PCDH9: variants seen among roughly 807,000 people sequenced by gnomAD.
The protein encoded by PCDH9 is protocadherin-9.
PCDH9 carries 24 observed loss-of-function variants against 70.6 expected under a neutral mutation model. That is an observed-to-expected ratio of 0.34 (90% CI 0.25 to 0.48). The LOEUF (loss-of-function observed/expected upper bound fraction) is 0.48, where lower values mean the gene tolerates loss of function less well. PCDH9 is among the 20% of genes least tolerant of loss of function. The pLI, the probability that PCDH9 is intolerant of heterozygous loss-of-function variation, is 0.99. For missense variants in PCDH9, 1,281 were observed against 1,503.6 expected (o/e 0.85, Z 2.45); for synonymous variants, 562 against 558.5 (o/e 1.01, Z -0.09).
intron 4 of PCDH9, among the ~76,000 whole-genome samples, chr13:66,554,967 C>T (rs1208745440): frequency 6.6e-6 from 1 of 152,048 alleles, no homozygotes; most frequent in Admixed American, 6.6e-5. Flanking sequence ...GTTGGGAGTT[C>T]AAGACCAGCC....
intron 2 of PCDH9, among the ~76,000 whole-genome samples, chr13:67,063,736 A>C (rs1166276070): frequency 1.3e-5 from 2 of 152,184 alleles, no homozygotes; most frequent in Non-Finnish European, 2.9e-5. Context: ...CAAATTAATG[A>C]CATAGAGCTA....
chr13:66,921,427 T>C lies in PCDH9; in HGVS notation c.3037-17822A>G, dbSNP rs149556060. ...GGCAACTCAGTCATCGTGAGCATGTTCTGTTGCCTTATCCAGTTGACAAAA... is the reference window on the plus strand; with the variant it reads ...GGCAACTCAGTCATCGTGAGCATGTCCTGTTGCCTTATCCAGTTGACAAAA... On this transcript the variant is annotated intron_variant, in intron 2 of 4. Coordinates refer to ENST00000377865, the MANE Select transcript of PCDH9 (RefSeq NM_203487.3). 3.2e-3 allele frequency among the ~76,000 whole-genome samples: 485 copies of C among 151,342 alleles called. 5 individuals are homozygous for C. Among genetic ancestry groups the C allele is most frequent in the African/African-American group, 0.011 (468 of 41,444 alleles).
intron 3 of PCDH9, among the ~76,000 whole-genome samples, chr13:66,737,788 C>A (rs138637737): frequency 0.016 from 2,441 of 152,306 alleles, 30 homozygotes; most frequent in Non-Finnish European, 0.023. Context: ...CTTTTCAGAC[C>A]GGCTTAGAAA....
chr13:66,785,983 A>G (rs1198229808), intron 3 of PCDH9, among the ~76,000 whole-genome samples: 1 of 152,210 alleles, frequency 6.6e-6, no homozygotes, highest in South Asian at 2.1e-4. Flanking sequence ...AATTTTGCCT[A>G]TAGAGCGCTG....
At chr13:66,642,785 C>A in intron 3 of PCDH9, among the ~76,000 whole-genome samples, 1 of 151,572 alleles carries the variant, frequency 6.6e-6, no homozygotes, top group African/African-American at 2.4e-5. Flanking sequence ...AATTGGAATT[C>A]CATTAGAAAA....
At chr13:66,499,781 T>C (rs1217831372) in intron 4 of PCDH9, among the ~76,000 whole-genome samples, 2 of 152,230 alleles carry the variant, frequency 1.3e-5, no homozygotes, top group Non-Finnish European at 2.9e-5. Flanking sequence ...GTTGGAGGTA[T>C]TGGATCATGG....
chr13:66,358,574 T>G (rs1340870093), intron 4 of PCDH9, among the ~76,000 whole-genome samples: 1 of 152,030 alleles, frequency 6.6e-6, no homozygotes, highest in Non-Finnish European at 1.5e-5. Flanking sequence ...GTATACATTA[T>G]GTTTATAAAT....
At chr13:66,874,108 T>C (rs76163243) in intron 3 of PCDH9, among the ~76,000 whole-genome samples, 1 of 151,932 alleles carries the variant, frequency 6.6e-6, no homozygotes, top group African/African-American at 2.4e-5. Flanking sequence ...GTCCAGCTGA[T>C]TTTTGTATTT....
Position 66,755,136 on chromosome 13 carries a change from C to G in PCDH9, c.3139-123725G>C, listed in dbSNP as rs375378812. ...TTAAAATCACTTTAATCCATAGAAC[C>G]AAAATTTTGCTGAGCCTAGAGCTGC... On this transcript the variant is annotated intron_variant, in intron 3 of 4. Transcript: ENST00000377865. 2.7e-5 allele frequency among the ~76,000 whole-genome samples: 4 copies of G among 148,520 alleles called. No individual in the cohort carries two copies. In the South Asian group the frequency reaches 6.2e-4, roughly 23 times the overall value.
At chr13:66,918,161 C>T (rs2082585093) in intron 2 of PCDH9, among the ~76,000 whole-genome samples, 1 of 151,124 alleles carries the variant, frequency 6.6e-6, no homozygotes, top group Admixed American at 6.6e-5. Flanking sequence ...TGCGAAGATA[C>T]AGTCTAAAGT....
intron 4 of PCDH9, among the ~76,000 whole-genome samples, chr13:66,479,059 AT>A (rs939967923): frequency 6.6e-6 from 1 of 152,202 alleles, no homozygotes; most frequent in African/African-American, 2.4e-5. Flanking sequence ...GTCATTTAAC[AT>A]CCCCAAAATC....
intron 4 of PCDH9, among the ~76,000 whole-genome samples, chr13:66,342,861 G>T (rs1392087842): frequency 2.0e-5 from 3 of 151,444 alleles, no homozygotes; most frequent in Non-Finnish European, 4.4e-5. Flanking sequence ...GCCCAGGCTG[G>T]CCTCGAACTC....
At chr13:67,041,847 A>G (rs1367844501) in intron 2 of PCDH9, among the ~76,000 whole-genome samples, 1 of 142,180 alleles carries the variant, frequency 7.0e-6, no homozygotes, top group Non-Finnish European at 1.6e-5. Flanking sequence ...AAAAAAAAAA[A>G]GAAAAAAGAA....
chr13:66,852,053 G>T (rs182947017), intron 3 of PCDH9, among the ~76,000 whole-genome samples: 3 of 151,894 alleles, frequency 2.0e-5, no homozygotes, highest in Middle Eastern at 3.4e-3. Flanking sequence ...ATCAGTTCAT[G>T]GCTCTACCCT....
intron 3 of PCDH9, among the ~76,000 whole-genome samples, chr13:66,767,283 T>C (rs1483554970): frequency 6.6e-6 from 1 of 152,126 alleles, no homozygotes; most frequent in South Asian, 2.1e-4. Flanking sequence ...AGATGTGTTA[T>C]ATTTAAGGCA....
In PCDH9 at chr13:66,388,320, T is replaced by A. The variant is rs978377860; in HGVS notation, c.3341-83292A>T. 1.1e-4 allele frequency among the ~76,000 whole-genome samples: 16 copies of A among 152,336 alleles called. No individual in the cohort carries two copies. The East Asian group carries it at 3.1e-3, about 29-fold the overall frequency. ...GGAAATAGAATTCGTGTACATAGGA[T>A]AATAATTTCAGTGAACTGATTTTAG... On this transcript the variant is annotated intron_variant, in intron 4 of 4. Transcript: ENST00000377865.
At chr13:66,761,796 G>A (rs1354468908) in intron 3 of PCDH9, among the ~76,000 whole-genome samples, 1 of 149,692 alleles carries the variant, frequency 6.7e-6, no homozygotes, top group Non-Finnish European at 1.5e-5. Context: ...TTTCTTTGTA[G>A]TTCTTGAATA....
At chr13:66,723,596 T>A (rs572203708) in intron 3 of PCDH9, among the ~76,000 whole-genome samples, 1 of 152,232 alleles carries the variant, frequency 6.6e-6, no homozygotes, top group South Asian at 2.1e-4. Flanking sequence ...TGGAACCAGA[T>A]GGCCTGAAGA....
intron 2 of PCDH9, among the ~76,000 whole-genome samples, chr13:66,915,299 C>A (rs891640198): frequency 6.6e-6 from 1 of 151,384 alleles, no homozygotes; most frequent in African/African-American, 2.4e-5. Context: ...TTTTTGGGAT[C>A]TTGTATTAGC....
Sources: gnomAD v4.1 joint callset for allele counts (sites outside exome capture counted in the v4.1 genomes callset) on GRCh38, gnomAD v4.1.1 for gene constraint, MANE v1.5 for transcripts, NCBI Gene and HGNC (gene_info 2026-07-23, HGNC 2026-07-21) for gene names.